The following CDHR3 variants were observed in gnomAD, a reference collection of about 807,000 sequenced individuals.
CDHR3 encodes cadherin-related family member 3.
CDHR3 carries 79 observed loss-of-function variants against 86.6 expected under a neutral mutation model. That is an observed-to-expected ratio of 0.91 (90% confidence interval 0.76 to 1.10). CDHR3 has a LOEUF of 1.10. CDHR3 is among the 50% of genes least tolerant of loss of function. The probability of loss-of-function intolerance (pLI) is 0.00; values close to 1 mark genes in which losing one functional copy is unlikely to be tolerated. For synonymous variants in CDHR3, 421 were observed against 402.4 expected, an observed-to-expected ratio of 1.05 and a Z score of -0.55; for missense variants, 1,081 against 1,077.6, an observed-to-expected ratio of 1.00 and a Z score of -0.04.
At chr7:106,025,208 C>T (rs1444908479) in intron 15 of CDHR3, among the ~76,000 whole-genome samples, 1 of 152,174 alleles carries the variant, frequency 6.6e-6, no homozygotes, top group African/African-American at 2.4e-5. Flanking sequence ...CAAAGAATCA[C>T]AAACTTCTCC....
chr7:106,000,716 A>G (rs1242979393), intron 6 of CDHR3, among the ~76,000 whole-genome samples: 7 of 152,124 alleles, frequency 4.6e-5, no homozygotes, highest in African/African-American at 1.7e-4. Flanking sequence ...CCTGTTCCAA[A>G]GGCATTGGTG....
At chr7:105,980,623 A>ATTTTTTTTTTTTT (rs55880404) in intron 2 of CDHR3, among the ~76,000 whole-genome samples, 5 of 108,150 alleles carry the variant, frequency 4.6e-5, no homozygotes, top group African/African-American at 1.1e-4. Flanking sequence ...TTTTTTTTTA[A>ATTTTTTTTTTTTT]TTTTTTTTTT....
At chr7:106,003,895 TA>T (rs1274689274) in intron 7 of CDHR3, among the ~76,000 whole-genome samples, 1 of 148,678 alleles carries the variant, frequency 6.7e-6, no homozygotes, top group African/African-American at 2.5e-5. Context: ...ATTCAACTTT[TA>T]ACAAGTAGAG....
intron 12 of CDHR3, among the ~76,000 whole-genome samples, chr7:106,020,000 G>A (rs575403843): frequency 6.6e-6 from 1 of 152,184 alleles, no homozygotes; most frequent in African/African-American, 2.4e-5. Flanking sequence ...AAACAACTCG[G>A]TGTCATCTGC....
chr7:105,991,603 T>C (rs1252585585), intron 4 of CDHR3, among the ~76,000 whole-genome samples: 1 of 152,234 alleles, frequency 6.6e-6, no homozygotes, highest in Admixed American at 6.5e-5. Context: ...TTCAAATATT[T>C]TTAAAAAATG....
chr7:106,015,869 AT>A, intron 10 of CDHR3, 57 bp from the exon 11 acceptor site: 1 of 1,242,004 alleles, frequency 8.1e-7, no homozygotes, highest in East Asian at 2.4e-5. Flanking sequence ...AAGATGTTGA[AT>A]AAACAAATGG....
chr7:105,989,325 A>G (rs1831009463), intron 4 of CDHR3, among the ~76,000 whole-genome samples: 1 of 150,034 alleles, frequency 6.7e-6, no homozygotes, highest in Admixed American at 6.7e-5. Flanking sequence ...GGCCACCGTG[A>G]CTGCAGAAGA....
intron 2 of CDHR3, 112 bp downstream of exon 2, chr7:105,975,158 C>G (rs1828606538): frequency 1.0e-6 from 1 of 958,334 alleles, no homozygotes; most frequent in Admixed American, 1.8e-5. Context: ...TTAATCTTCC[C>G]TCTTGTAAGG....
chr7:105,990,435 G>A (rs1429079820), intron 4 of CDHR3, among the ~76,000 whole-genome samples: 1 of 152,144 alleles, frequency 6.6e-6, no homozygotes, highest in Non-Finnish European at 1.5e-5. Context: ...GCTGAGACGA[G>A]GGTGGAATAG....
At position 105,978,156 on chromosome 7, in the gene CDHR3, A is replaced by G. The variant is rs562064327; in HGVS notation, c.250-2812A>G. Among the ~76,000 whole-genome samples, 4 of 152,320 alleles carry G rather than the reference A, an allele frequency of 2.6e-5. No homozygotes were observed. In the South Asian group the frequency reaches 8.3e-4, roughly 32 times the overall value. Reference sequence around the variant, plus strand: ...TAGGCTGCCCCAAGAATTATTGTTCATAGCCCTCATGCTGCGCTGGTTTGC... The same window carrying G: ...TAGGCTGCCCCAAGAATTATTGTTCGTAGCCCTCATGCTGCGCTGGTTTGC... On this transcript the variant is annotated intron_variant, in intron 2 of 18. Transcript: ENST00000317716.
chr7:105,985,511 A>C (rs1003319806), intron 4 of CDHR3, among the ~76,000 whole-genome samples: 1 of 152,170 alleles, frequency 6.6e-6, no homozygotes, highest in African/African-American at 2.4e-5. Flanking sequence ...CAATTGGACT[A>C]CTTTTTCTAA....
intron 4 of CDHR3, 48 bp downstream of exon 4, chr7:105,984,337 G>T: frequency 6.8e-7 from 1 of 1,462,994 alleles, no homozygotes; most frequent in South Asian, 1.2e-5. Flanking sequence ...TGTTGGGTTA[G>T]ACACAGGAGC....
chr7:106,015,956 C>T lies in CDHR3; in HGVS notation c.1357C>T (p.Pro453Ser). The change falls in exon 11 of 19, where the codon CCA becomes TCA. Residue 453 changes from proline (P) to serine (S), a missense_variant. Pro to Ser is a moderately conservative substitution (Grantham distance 74). Transcript: ENST00000317716. ...NNVYVYILTS[P>S]ENEFPLIFDR... ...CGTCTACGTTTATATCCTAACAAGCCCAGAAAATGAGTTTCCTCTCATTTT... is the reference window on the plus strand; with the variant it reads ...CGTCTACGTTTATATCCTAACAAGCTCAGAAAATGAGTTTCCTCTCATTTT... 1 of 1,612,868 alleles carries T rather than the reference C, an allele frequency of 6.2e-7. No individual in the cohort carries two copies. Among genetic ancestry groups the T allele is most frequent in the South Asian group, 1.1e-5 (1 of 90,890 alleles).
chr7:106,026,770 C>A, intron 16 of CDHR3, 75 bp downstream of exon 16: 1 of 1,489,428 alleles, frequency 6.7e-7, no homozygotes, highest in South Asian at 1.1e-5. Context: ...GGTTCCTACT[C>A]GGCAAAGAAT....
At position 106,023,840 on chromosome 7, in the gene CDHR3, G is replaced by C. The variant is rs565562429; in HGVS notation, c.2077-541G>C. The stretch of plus-strand genomic sequence containing the variant: ...CTTTCTTGGGCTCAGAGCATGACCT[G>C]ATTGTGACATCTCCAATCCTGAAAC... On this transcript the variant is annotated intron_variant, in intron 14 of 18. Coordinates refer to ENST00000317716, the MANE Select transcript of CDHR3 (RefSeq NM_152750.5). Among the ~76,000 whole-genome samples, 7 of 152,306 alleles carry C rather than the reference G, an allele frequency of 4.6e-5. No individual in the cohort carries two copies. The South Asian group carries it at 1.2e-3, about 27-fold the overall frequency.
rs1563304697 is a variant in CDHR3, at chr7:106,024,470, G to C, written c.2166G>C (p.Leu722Phe). The change falls in exon 15 of 19, where the codon TTG becomes TTC. Residue 722 changes from leucine (L) to phenylalanine (F), a missense_variant. Leu to Phe is a conservative substitution (Grantham distance 22). Coordinates refer to ENST00000317716, the MANE Select transcript of CDHR3 (RefSeq NM_152750.5). Reference protein sequence around the residue: ...VPFVITLGSILLLGLLVYLVV... With the variant: ...VPFVITLGSIFLLGLLVYLVV... ...TTGTCATCACTTTGGGCTCCATATT[G>C]CTTCTGGGTCTCCTCGTGTACCTGG... The C allele has an allele frequency of 6.2e-7, 1 of 1,613,994 alleles. No homozygotes were observed.
At chr7:106,012,809 C>T in intron 8 of CDHR3, 51 bp from the exon 9 acceptor site, 1 of 1,534,412 alleles carries the variant, frequency 6.5e-7, no homozygotes, top group Middle Eastern at 1.8e-4. Context: ...TGAGAAGGAA[C>T]AGTCGATTAC....
rs149344794 is a variant in CDHR3 at position 105,977,202 on chromosome 7, T to G, written c.249+2156T>G. The stretch of plus-strand genomic sequence containing the variant: ...AGATATAACAGAGACCCAGCAAGTT[T>G]AAATGATTTATCTGAGATCACATAG... On this transcript the variant is annotated intron_variant, in intron 2 of 18. Transcript: ENST00000317716. Among the ~76,000 whole-genome samples, 20 of 152,338 alleles carry G rather than the reference T, an allele frequency of 1.3e-4. No homozygotes were observed. In the East Asian group the frequency reaches 3.7e-3, roughly 28 times the overall value.
Position 105,981,088 on chromosome 7 carries a change from A to G in CDHR3, c.370A>G (p.Thr124Ala), listed in dbSNP as rs1829661970. The G allele has an allele frequency of 6.2e-7, 1 of 1,613,640 alleles. No homozygotes were observed. Among genetic ancestry groups the G allele is most frequent in the Non-Finnish European group, 8.5e-7 (1 of 1,179,816 alleles). Residue 124 changes from threonine (T) to alanine (A), a missense_variant, in exon 3 of 19, where the codon ACA becomes GCA. Physicochemically the swap from Thr to Ala is moderately conservative, Grantham distance 58. Coordinates refer to ENST00000317716, the MANE Select transcript of CDHR3 (RefSeq NM_152750.5). ...CCTGCAAGTCCTGACTGTCCAGGTA[A>G]CAGATGTGAACGAGCCACCTCAGTT... is the stretch of plus-strand genomic sequence containing the variant. ...TDLQVLTVQVTDVNEPPQFQG... is the reference protein window; with the variant it reads ...TDLQVLTVQVADVNEPPQFQG...
Sources: gnomAD v4.1 joint callset for allele counts (sites outside exome capture counted in the v4.1 genomes callset) on GRCh38, gnomAD v4.1.1 for gene constraint, MANE v1.5 for transcripts, NCBI Gene and HGNC (gene_info 2026-07-23, HGNC 2026-07-21) for gene names.